Variants in USP54 observed in about 807,000 individuals in gnomAD.
USP54 encodes the protein ubiquitin specific peptidase 54.
A neutral mutation model predicts 170.5 loss-of-function variants in USP54; 87 were observed. The ratio of observed to expected loss-of-function variants is 0.51; its 90% confidence interval spans 0.43 to 0.61. The LOEUF (loss-of-function observed/expected upper bound fraction) is 0.61, where lower values mean the gene tolerates loss of function less well. Ranked by LOEUF, USP54 falls within the 20% of genes least tolerant of loss-of-function variation. USP54 has a pLI of 0.00. For missense variants in USP54, 1,786 were observed against 2,047.8 expected (o/e 0.87, Z 2.47); for synonymous variants, 655 against 742.8 (o/e 0.88, Z 1.92).
intron 1 of USP54, among the ~76,000 whole-genome samples, chr10:73,612,839 CAAAAAAA>C (rs756355670): frequency 4.4e-3 from 186 of 42,112 alleles, no homozygotes; most frequent in South Asian, 0.013. Context: ...GACATTGTCT[CAAAAAAA>C]AAAAAAAAAA....
upstream of USP54, among the ~76,000 whole-genome samples, chr10:73,595,568 A>T (rs1474714406): frequency 6.6e-6 from 1 of 152,212 alleles, no homozygotes; most frequent in African/African-American, 2.4e-5. Context: ...GAAGAGAGGG[A>T]GATAGGGGCC....
At chr10:73,526,088 T>A (rs1354505841) in intron 16 of USP54, among the ~76,000 whole-genome samples, 2 of 152,230 alleles carry the variant, frequency 1.3e-5, no homozygotes, top group African/African-American at 4.8e-5. Flanking sequence ...AGTAACACTG[T>A]TCACCATATT....
intron 16 of USP54, among the ~76,000 whole-genome samples, chr10:73,524,424 A>T (rs536408275): frequency 1.3e-3 from 197 of 152,002 alleles, no homozygotes; most frequent in African/African-American, 4.5e-3. Flanking sequence ...TACTAAAAAT[A>T]CAAAAATTAG....
intron 1 of USP54, among the ~76,000 whole-genome samples, chr10:73,584,345 G>A (rs888397411): frequency 1.1e-4 from 17 of 151,972 alleles, no homozygotes; most frequent in Admixed American, 8.5e-4. Context: ...CCAAGATCAC[G>A]CCACTGCACT....
In USP54 at chr10:73,569,289, T is replaced by C. The variant is rs137877279; in HGVS notation, c.240+2132A>G. 1.1e-4 allele frequency among the ~76,000 whole-genome samples: 17 copies of C among 152,360 alleles called. No individual in the cohort carries two copies. In the East Asian group the frequency reaches 3.3e-3, roughly 29 times the overall value. The stretch of plus-strand genomic sequence containing the variant: ...TCCTCTGGACTTACCATGGGACTAC[T>C]GTATTTCTTGTTTATCTAAAATTAG... On this transcript the variant is annotated intron_variant, in intron 4 of 23. Coordinates refer to ENST00000687698, the MANE Select transcript of USP54 (RefSeq NM_001391956.1).
chr10:73,541,394 G>T lies in USP54; in HGVS notation c.806C>A (p.Thr269Asn). The T allele has an allele frequency of 6.2e-7, 1 of 1,614,098 alleles. No individual in the cohort carries two copies. Among genetic ancestry groups the T allele is most frequent in the Non-Finnish European group, 8.5e-7 (1 of 1,180,012 alleles). ...ACGCACATCACCCAGCTTAAGGCAGGTTCCCAGGCTGTGGATAACATCTTC... is the reference window on the plus strand; with the variant it reads ...ACGCACATCACCCAGCTTAAGGCAGTTTCCCAGGCTGTGGATAACATCTTC... ...LAEDVIHSLG[T>N]CLKLGDLFFR... The change falls in exon 9 of 24, where the codon ACC becomes AAC. Residue 269 changes from threonine (T) to asparagine (N), a missense_variant. By Grantham distance (65) the Thr-to-Asn change is moderately conservative. This residue lies in a region of USP54 where 361 missense variants were observed against 455.0 expected (regional missense o/e 0.79). Transcript: ENST00000687698.
intron 4 of USP54, among the ~76,000 whole-genome samples, chr10:73,560,740 G>A (rs1250107609): frequency 1.4e-5 from 2 of 146,120 alleles, no homozygotes; most frequent in African/African-American, 5.1e-5. Context: ...AATAGGACAA[G>A]AGTGAGAAAG....
At chr10:73,537,881 G>C (rs2065587784) in intron 10 of USP54, 2 of 152,168 alleles carry the variant, frequency 1.3e-5, no homozygotes, top group Non-Finnish European at 2.9e-5. Context: ...CTGTGCCTGA[G>C]GCATGCCCAA....
At chr10:73,588,244 C>T (rs931924322) in intron 1 of USP54, among the ~76,000 whole-genome samples, 2 of 151,788 alleles carry the variant, frequency 1.3e-5, no homozygotes, top group Non-Finnish European at 2.9e-5. Context: ...TTTTTTGAGA[C>T]GGAGTCTCGC....
At chr10:73,536,159 C>G in intron 11 of USP54, 110 bp downstream of exon 11, 1 of 1,443,550 alleles carries the variant, frequency 6.9e-7, no homozygotes, top group South Asian at 1.2e-5. Flanking sequence ...TCTAATGGAT[C>G]CTCTTTCTCC....
At chr10:73,617,654 ACCT>A (rs1456709857) in intron 1 of USP54, among the ~76,000 whole-genome samples, 1 of 149,892 alleles carries the variant, frequency 6.7e-6, no homozygotes, top group African/African-American at 2.5e-5. Flanking sequence ...ATATAGTGAG[ACCT>A]CATCTCTTCA....
intron 1 of USP54, among the ~76,000 whole-genome samples, chr10:73,611,061 G>GT (rs1293278939): frequency 6.6e-6 from 1 of 152,118 alleles, no homozygotes; most frequent in East Asian, 1.9e-4. Flanking sequence ...AAAAGCAACA[G>GT]TGAGTTTTTT....
upstream of USP54, among the ~76,000 whole-genome samples, chr10:73,594,655 G>A (rs1255427502): frequency 6.6e-6 from 1 of 151,940 alleles, no homozygotes; most frequent in African/African-American, 2.4e-5. Context: ...GGGGTGGGGA[G>A]GGGTGGGGAA....
chr10:73,539,825 T>C (rs917664391), intron 9 of USP54, among the ~76,000 whole-genome samples: 8 of 152,122 alleles, frequency 5.3e-5, no homozygotes, highest in Non-Finnish European at 1.0e-4. Context: ...CTAGACTAGA[T>C]AGCAAGACCC....
chr10:73,621,259 T>C (rs368792145), intron 1 of USP54, among the ~76,000 whole-genome samples: 1 of 148,010 alleles, frequency 6.8e-6, no homozygotes, highest in East Asian at 1.9e-4. Flanking sequence ...TGAAAGCAAA[T>C]ATATAAAAAC....
chr10:73,520,353 A>C (rs1038591348), intron 18 of USP54, among the ~76,000 whole-genome samples: 4 of 152,342 alleles, frequency 2.6e-5, no homozygotes, highest in Non-Finnish European at 5.9e-5. Flanking sequence ...CCAATGGCCA[A>C]CAGCAGAAAT....
chr10:73,507,541 G>C (rs563774438), intron 20 of USP54, among the ~76,000 whole-genome samples: 1 of 151,860 alleles, frequency 6.6e-6, no homozygotes, highest in African/African-American at 2.4e-5. Context: ...AGGCGTGGTG[G>C]CGGCCGCCTG....
Position 73,519,961 on chromosome 10 carries a change from G to A in USP54, c.2514C>T (p.Ser838=). 1 of 1,612,474 alleles carries A rather than the reference G, an allele frequency of 6.2e-7. No homozygotes were observed. The highest frequency in any genetic ancestry group is 1.7e-4 in the Middle Eastern group (1 of 6,060). Residue 838 remains serine, a synonymous_variant, in exon 19 of 24, where the codon AGC becomes AGT. Coordinates refer to ENST00000687698, the MANE Select transcript of USP54 (RefSeq NM_001391956.1). ...CTAGGGCTCTGCTGTGCGTGCTACA[G>A]CTGGCACCATGCAGGGCAAGTCTTA... ...SKLRLALHGA[S]CSTHSRALVD...
intron 14 of USP54, 51 bp downstream of exon 14, chr10:73,530,092 C>A (rs765978406): frequency 6.5e-7 from 1 of 1,542,540 alleles, no homozygotes; most frequent in Admixed American, 2.1e-5. Context: ...TTTAAAAAGA[C>A]ATAAATCAAC....
Sources: gnomAD v4.1 joint callset for allele counts (sites outside exome capture counted in the v4.1 genomes callset) on GRCh38, gnomAD v4.1.1 for gene constraint, gnomAD v4.1.1 regional missense constraint, MANE v1.5 for transcripts, NCBI Gene and HGNC (gene_info 2026-07-23, HGNC 2026-07-21) for gene names.